SH3BGR: variants seen among roughly 807,000 people sequenced by gnomAD.
SH3BGR encodes SH3 domain-binding glutamic acid-rich protein.
A neutral mutation model predicts 24.5 loss-of-function variants in SH3BGR; 29 were observed. That is an observed-to-expected ratio of 1.18 (90% CI 0.88 to 1.61). The LOEUF is 1.61. Among genes scored for constraint, SH3BGR ranks in the 40% most tolerant of loss-of-function variants. The probability of loss-of-function intolerance (pLI) is 0.00; values close to 1 mark genes in which losing one functional copy is unlikely to be tolerated. For synonymous variants in SH3BGR, 55 were observed against 65.7 expected (o/e 0.84, Z 0.79); for missense variants, 162 against 205.8 (o/e 0.79, Z 1.30).
intron 2 of SH3BGR, among the ~76,000 whole-genome samples, chr21:39,464,174 G>T (rs957643569): frequency 6.6e-6 from 1 of 152,080 alleles, no homozygotes; most frequent in Admixed American, 6.5e-5. Context: ...ATCCAGTATG[G>T]CCCCATCTTA....
At chr21:39,483,514 A>G (rs2078163560) in intron 3 of SH3BGR, among the ~76,000 whole-genome samples, 1 of 152,202 alleles carries the variant, frequency 6.6e-6, no homozygotes, top group African/African-American at 2.4e-5. Context: ...ATTCAGCATG[A>G]AATGAAGAGG....
intron 3 of SH3BGR, among the ~76,000 whole-genome samples, chr21:39,482,181 A>G (rs922421719): frequency 6.6e-6 from 1 of 152,242 alleles, no homozygotes. Flanking sequence ...TAAAAAACAC[A>G]GAGGAAGAGG....
chr21:39,463,740 G>A (rs1440242790), intron 2 of SH3BGR, among the ~76,000 whole-genome samples: 1 of 152,174 alleles, frequency 6.6e-6, no homozygotes, highest in African/African-American at 2.4e-5. Flanking sequence ...TGCAGCAGAG[G>A]CCATATGATC....
rs2077798082 is a variant in SH3BGR, at chr21:39,463,946, C to A, written c.231+1386C>A. ...GATCTGGAGACTGGAAGTTCGAAATCAAGATGTGGGTGCAGGGTTGGTTCC... is the reference window on the plus strand; with the variant it reads ...GATCTGGAGACTGGAAGTTCGAAATAAAGATGTGGGTGCAGGGTTGGTTCC... On this transcript the variant is annotated intron_variant, in intron 2 of 6. Coordinates refer to ENST00000333634, the MANE Select transcript of SH3BGR (RefSeq NM_007341.3). Among the ~76,000 whole-genome samples the A allele has an allele frequency of 2.6e-5, 4 of 152,178 alleles. No homozygotes were observed. The South Asian group carries it at 8.3e-4, about 32-fold the overall frequency.
intron 2 of SH3BGR, among the ~76,000 whole-genome samples, chr21:39,470,007 C>T (rs2077910856): frequency 6.6e-6 from 1 of 151,988 alleles, no homozygotes; most frequent in African/African-American, 2.4e-5. Flanking sequence ...TTATACCTTT[C>T]TTTTTTGACC....
chr21:39,511,524 T>C lies in SH3BGR; in HGVS notation c.436-156T>C, dbSNP rs2123569523. 6.6e-6 allele frequency among the ~76,000 whole-genome samples: 1 copy of C among 151,230 alleles called. No individual in the cohort carries two copies. The highest frequency in any genetic ancestry group is 3.4e-3 in the Middle Eastern group (1 of 294). ...GTGGCATGTGTTTGTGTGGCATGTG[T>C]GGTGTGTGTATTTGTGTGTTGTGTG... On this transcript the variant is annotated intron_variant, in intron 5 of 6. Coordinates refer to ENST00000333634, the MANE Select transcript of SH3BGR (RefSeq NM_007341.3). The surrounding 1 kb of genome is among the most constrained non-coding windows in gnomAD (Gnocchi z 4.2).
intron 2 of SH3BGR, among the ~76,000 whole-genome samples, chr21:39,467,617 A>G (rs886466228): frequency 6.6e-6 from 1 of 152,194 alleles, no homozygotes; most frequent in African/African-American, 2.4e-5. Context: ...GCTCAAAATA[A>G]TGTTAGTCTA....
At chr21:39,472,166 CAG>C (rs201169475) in intron 2 of SH3BGR, among the ~76,000 whole-genome samples, 4,267 of 152,198 alleles carry the variant, frequency 0.028, 208 homozygotes, top group African/African-American at 0.098. Flanking sequence ...GCTGCTAAAA[CAG>C]AATACCACAG....
At chr21:39,494,242 C>CTTT (rs2078354454) in intron 3 of SH3BGR, among the ~76,000 whole-genome samples, 1 of 149,882 alleles carries the variant, frequency 6.7e-6, no homozygotes, top group African/African-American at 2.4e-5. Flanking sequence ...TCTTCTTCTT[C>CTTT]TTCTTCTTCT....
chr21:39,514,245 A>T (rs1278544746), intron 6 of SH3BGR, among the ~76,000 whole-genome samples: 2 of 152,254 alleles, frequency 1.3e-5, no homozygotes, highest in Non-Finnish European at 2.9e-5. Context: ...CTCATAGATT[A>T]TCCATGCATT....
intron 3 of SH3BGR, chr21:39,488,589 G>A: frequency 3.8e-6 from 1 of 262,344 alleles, no homozygotes; most frequent in Non-Finnish European, 7.6e-6. Flanking sequence ...CTAGTTTTAG[G>A]ATTATGTCCG....
rs370895524 is a variant in SH3BGR at position 39,496,610 on chromosome 21, G to A, written c.313-3213G>A. On this transcript the variant is annotated intron_variant, in intron 3 of 6. Transcript: ENST00000333634. Reference sequence around the variant, plus strand: ...TGAAATGCATTAGAATTGATAAGATGGTTTCTTAAGTTTCTAGATGAAAGA... The same window carrying A: ...TGAAATGCATTAGAATTGATAAGATAGTTTCTTAAGTTTCTAGATGAAAGA... Among the ~76,000 whole-genome samples, 3 of 151,754 alleles carry A rather than the reference G, an allele frequency of 2.0e-5. No homozygotes were observed. The East Asian group carries it at 5.8e-4, about 29-fold the overall frequency.
rs1215302719 is a variant in SH3BGR, at chr21:39,511,577, T to C, written c.436-103T>C. 3.9e-6 allele frequency: 4 copies of C among 1,027,102 alleles called. No individual in the cohort carries two copies. The highest frequency in any genetic ancestry group is 5.8e-6 in the Non-Finnish European group (4 of 692,614). 63.6% of individuals were successfully genotyped at this position (1,027,102 alleles called of 1,614,324 possible). On this transcript the variant is annotated intron_variant, in intron 5 of 6. Coordinates refer to ENST00000333634, the MANE Select transcript of SH3BGR (RefSeq NM_007341.3). This position sits in a 1 kb window ranked among gnomAD's most constrained non-coding sequence, Gnocchi z 4.2. ...TTTGTTTGTGTGTTGTGTGGTGGGG[T>C]GTGGGAGGCTTTGACCTCTAGTCCA...
chr21:39,447,675 T>G (rs1325290580), upstream of SH3BGR, among the ~76,000 whole-genome samples: 1 of 152,136 alleles, frequency 6.6e-6, no homozygotes, highest in Non-Finnish European at 1.5e-5. Context: ...CGCCTCGGCC[T>G]CCCAAAATGT....
chr21:39,501,890 G>A (rs2078500057), intron 4 of SH3BGR, among the ~76,000 whole-genome samples: 1 of 152,194 alleles, frequency 6.6e-6, no homozygotes, highest in Admixed American at 6.5e-5. Flanking sequence ...AAGCTGAGAT[G>A]GGGCCGGGCG....
chr21:39,449,551 CATT>C (rs1227212317), upstream of SH3BGR, among the ~76,000 whole-genome samples: 1 of 152,096 alleles, frequency 6.6e-6, no homozygotes, highest in East Asian at 1.9e-4. Flanking sequence ...TCGTTTGTGT[CATT>C]AGTGTAATAA....
At chr21:39,485,848 C>T (rs1057294546) in intron 3 of SH3BGR, among the ~76,000 whole-genome samples, 34 of 152,192 alleles carry the variant, frequency 2.2e-4, no homozygotes, top group African/African-American at 7.0e-4. Context: ...CCACCACGCC[C>T]GGCTAATTTT....
At chr21:39,501,391 C>G (rs2078491706) in intron 4 of SH3BGR, among the ~76,000 whole-genome samples, 1 of 152,198 alleles carries the variant, frequency 6.6e-6, no homozygotes, top group Admixed American at 6.5e-5. Flanking sequence ...TGGACGTTCT[C>G]TTTGCTACTA....
chr21:39,496,963 T>A (rs937429205), intron 3 of SH3BGR, among the ~76,000 whole-genome samples: 5 of 151,998 alleles, frequency 3.3e-5, no homozygotes, highest in Admixed American at 2.6e-4. Flanking sequence ...CTAAGAAACA[T>A]TATCTTAAAA....
Sources: gnomAD v4.1 joint callset for allele counts (sites outside exome capture counted in the v4.1 genomes callset) on GRCh38, gnomAD v4.1.1 for gene constraint, Gnocchi (gnomAD v3.1) non-coding constraint, MANE v1.5 for transcripts, NCBI Gene and HGNC (gene_info 2026-07-23, HGNC 2026-07-21) for gene names.